CASK: variants seen among roughly 807,000 people sequenced by gnomAD.
CASK encodes the protein peripheral plasma membrane protein CASK.
Under a neutral mutation model 82.9 loss-of-function variants are expected in CASK, and 4 were observed. The ratio of observed to expected loss-of-function variants is 0.05; its 90% CI spans 0.02 to 0.11. CASK has a LOEUF of 0.11. CASK is among the 10% of genes least tolerant of loss of function. The pLI is 1.00. For missense variants in CASK, 358 were observed against 720.9 expected (o/e 0.50, Z 5.76); for synonymous variants, 259 against 253.5 (o/e 1.02, Z -0.20).
Position 41,519,436 on chromosome X carries a change from C to T in CASK, c.*984G>A, listed in dbSNP as rs972505257. ...AAATCATTTCTTTGCTTAATTAAAA[C>T]GTTAATACTCTTAGACAACACAGAT... On this transcript the variant is annotated 3_prime_UTR_variant, in exon 27 of 27. Transcript: ENST00000378163. 5 of 111,493 alleles carry T rather than the reference C, an allele frequency of 4.5e-5. No homozygotes were observed. The South Asian group carries it at 1.1e-3, about 25-fold the overall frequency. 9.2% of individuals were successfully genotyped at this position (111,493 alleles called of 1,213,427 possible).
At chrX:41,605,192 A>G (rs2065941418) in intron 12 of CASK, among the ~76,000 whole-genome samples, 1 of 112,229 alleles carries the variant, frequency 8.9e-6, no homozygotes, top group Admixed American at 9.5e-5. Flanking sequence ...AACAGAAATA[A>G]CATAAAAATG....
At chrX:41,684,671 C>T (rs1056619788) in intron 5 of CASK, among the ~76,000 whole-genome samples, 1 of 110,556 alleles carries the variant, frequency 9.0e-6, no homozygotes, top group Admixed American at 9.7e-5. Context: ...TAATTTTTTG[C>T]ATTTTTGGTA....
chrX:41,570,331 A>C (rs939028747), intron 15 of CASK, among the ~76,000 whole-genome samples: 1 of 111,193 alleles, frequency 9.0e-6, no homozygotes, highest in African/African-American at 3.3e-5. Flanking sequence ...AGTGCTTTTA[A>C]ATCTTCTAAT....
At position 41,520,574 on chromosome X, in the gene CASK, T is replaced by C; in HGVS notation, c.2627A>G (p.Gln876Arg). The C allele has an allele frequency of 8.3e-7, 1 of 1,206,065 alleles. No homozygotes were observed. ...TCTCTGTAAGATGTCAGACTCCTTC[T>C]GCAGACGCTGAAGAGATTCATCCTA... The part of the protein sequence containing the change: ...LNEDESLQRL[Q>R]KESDILQRTY... Residue 876 changes from glutamine (Q) to arginine (R), a missense_variant, in exon 27 of 27, where the codon CAG becomes CGG. Physicochemically the swap from Gln to Arg is conservative, Grantham distance 43 (BLOSUM62 1). Transcript: ENST00000378163.
chrX:41,837,258 TACAATA>T (rs1250963068), intron 2 of CASK, among the ~76,000 whole-genome samples: 1 of 112,094 alleles, frequency 8.9e-6, no homozygotes, highest in African/African-American at 3.2e-5. Flanking sequence ...ATAACAGTAG[TACAATA>T]TCAAAACCAG....
intron 2 of CASK, among the ~76,000 whole-genome samples, chrX:41,796,543 C>T (rs926162102): frequency 8.1e-5 from 9 of 111,579 alleles, no homozygotes; most frequent in African/African-American, 1.6e-4. Context: ...TCACATATTT[C>T]GTAAAAAACC....
intron 1 of CASK, among the ~76,000 whole-genome samples, chrX:41,878,761 C>T (rs1347856993): frequency 9.1e-6 from 1 of 110,179 alleles, no homozygotes; most frequent in Non-Finnish European, 1.9e-5. Context: ...AGGGAAAGGT[C>T]GGGGGCGTGA....
intron 26 of CASK, among the ~76,000 whole-genome samples, chrX:41,520,977 G>A (rs1439582398): frequency 8.9e-6 from 1 of 111,735 alleles, no homozygotes; most frequent in Non-Finnish European, 1.9e-5. Flanking sequence ...GAAGCCCCCC[G>A]CCCTAGCCTC....
intron 24 of CASK, among the ~76,000 whole-genome samples, chrX:41,532,505 T>C (rs753386688): frequency 2.7e-5 from 3 of 111,960 alleles, no homozygotes; most frequent in South Asian, 3.7e-4. Flanking sequence ...AAACACACTT[T>C]AGGAAATGTT....
intron 2 of CASK, among the ~76,000 whole-genome samples, chrX:41,840,698 G>A: frequency 8.9e-6 from 1 of 112,073 alleles, no homozygotes; most frequent in Non-Finnish European, 1.9e-5. Flanking sequence ...CATTAAGTAA[G>A]ATGTTAGCTG....
intron 2 of CASK, among the ~76,000 whole-genome samples, chrX:41,810,560 G>A (rs1228463250): frequency 9.0e-6 from 1 of 111,292 alleles, no homozygotes; most frequent in East Asian, 2.8e-4. Context: ...CACCAGGCCT[G>A]CCCTACAAGA....
chrX:41,780,833 G>A (rs1173869328), intron 3 of CASK, among the ~76,000 whole-genome samples: 1 of 108,009 alleles, frequency 9.3e-6, no homozygotes, highest in Non-Finnish European at 1.9e-5. Context: ...ATTTTTAGTA[G>A]AGACGGGGTT....
chrX:41,891,449 G>A (rs1480961729), intron 1 of CASK, among the ~76,000 whole-genome samples: 1 of 111,615 alleles, frequency 9.0e-6, no homozygotes, highest in East Asian at 2.8e-4. Flanking sequence ...ATGCATTTTG[G>A]ATGAGATATA....
intron 5 of CASK, chrX:41,727,042 A>G (rs774634842): frequency 2.6e-6 from 3 of 1,143,750 alleles, no homozygotes; most frequent in Non-Finnish European, 3.5e-6. Flanking sequence ...CAACAATACA[A>G]CATGTATTCA....
At chrX:41,680,183 C>CAA (rs1249667322) in intron 5 of CASK, among the ~76,000 whole-genome samples, 67 of 79,929 alleles carry the variant, frequency 8.4e-4, no homozygotes, top group African/African-American at 2.8e-3. Context: ...GACCTTGTCT[C>CAA]AAAAAAAAAA....
intron 16 of CASK, among the ~76,000 whole-genome samples, chrX:41,569,176 T>G (rs2065366716): frequency 8.9e-6 from 1 of 112,158 alleles, no homozygotes; most frequent in South Asian, 3.7e-4. Flanking sequence ...ATCTAATTCC[T>G]AAATGAATGA....
intron 5 of CASK, chrX:41,729,235 G>A (rs1035015889): frequency 2.4e-5 from 3 of 122,869 alleles, no homozygotes; most frequent in Admixed American, 9.5e-5. Context: ...TCCTCTGTAC[G>A]TGTTAATTTC....
chrX:41,755,545 A>C (rs1041211177), intron 3 of CASK, among the ~76,000 whole-genome samples: 2 of 112,165 alleles, frequency 1.8e-5, no homozygotes, highest in Non-Finnish European at 3.8e-5. Flanking sequence ...GTGATTAAAA[A>C]ACTTAAAAAA....
intron 11 of CASK, among the ~76,000 whole-genome samples, chrX:41,622,191 A>G (rs1383806329): frequency 1.8e-5 from 2 of 112,642 alleles, no homozygotes; most frequent in Non-Finnish European, 3.7e-5. Context: ...AGGTCCAAAT[A>G]AACTGAAAAT....
Sources: allele counts gnomAD v4.1 joint callset (sites outside exome capture counted in the v4.1 genomes callset), GRCh38; gene constraint gnomAD v4.1.1; transcripts MANE v1.5; gene names NCBI Gene and HGNC (gene_info 2026-07-23, HGNC 2026-07-21).